The following TMEM132D variants were observed in gnomAD, a reference collection of about 807,000 sequenced individuals.
The protein encoded by TMEM132D is transmembrane protein 132D.
TMEM132D carries 21 observed loss-of-function variants against 62.3 expected under a neutral mutation model. That is an observed-to-expected ratio of 0.34 (90% CI 0.24 to 0.49). The LOEUF is 0.49. Among genes scored for constraint, TMEM132D ranks in the 20% least tolerant of loss-of-function variants. The pLI is 0.99. For missense variants in TMEM132D, 1,346 were observed against 1,402.8 expected (o/e 0.96, Z 0.65); for synonymous variants, 621 against 575.6 (o/e 1.08, Z -1.13).
At chr12:129,121,135 G>A (rs747224424) in intron 5 of TMEM132D, among the ~76,000 whole-genome samples, 20 of 151,652 alleles carry the variant, frequency 1.3e-4, no homozygotes, top group Non-Finnish European at 2.1e-4. Flanking sequence ...TTGGTCTGTG[G>A]CCCAGGCTGG....
intron 1 of TMEM132D, among the ~76,000 whole-genome samples, chr12:129,718,826 T>A (rs1030781526): frequency 6.6e-6 from 1 of 152,238 alleles, no homozygotes; most frequent in Non-Finnish European, 1.5e-5. Flanking sequence ...CAACAGTAGC[T>A]GCCTCACACA....
chr12:129,128,106 T>G (rs1593270137), intron 5 of TMEM132D, among the ~76,000 whole-genome samples: 3 of 152,302 alleles, frequency 2.0e-5, no homozygotes, highest in Admixed American at 2.0e-4. Context: ...GCTAGAGGGC[T>G]GCATGTACAA....
At chr12:129,520,103 A>C (rs1380206770) in intron 3 of TMEM132D, among the ~76,000 whole-genome samples, 2 of 152,226 alleles carry the variant, frequency 1.3e-5, no homozygotes, top group African/African-American at 4.8e-5. Context: ...TGTGTAAGAC[A>C]GTGTTCAGTG....
At chr12:129,886,811 ACC>A (rs1390567883) in intron 1 of TMEM132D, among the ~76,000 whole-genome samples, 2 of 152,058 alleles carry the variant, frequency 1.3e-5, no homozygotes, top group African/African-American at 4.8e-5. Flanking sequence ...GAGGGTGGTT[ACC>A]CCCATGCTGC....
At chr12:129,405,221 T>C (rs1328948183) in intron 3 of TMEM132D, among the ~76,000 whole-genome samples, 1 of 151,974 alleles carries the variant, frequency 6.6e-6, no homozygotes, top group Non-Finnish European at 1.5e-5. Context: ...GTGAGGGCTC[T>C]CTTACTGGCC....
chr12:129,131,805 T>C (rs1876382877), intron 5 of TMEM132D, among the ~76,000 whole-genome samples: 1 of 152,194 alleles, frequency 6.6e-6, no homozygotes, highest in South Asian at 2.1e-4. Context: ...TAGACCCCAG[T>C]AATTCAGTCA....
chr12:129,666,327 G>A (rs1290810096), intron 2 of TMEM132D, among the ~76,000 whole-genome samples: 1 of 152,136 alleles, frequency 6.6e-6, no homozygotes, highest in African/African-American at 2.4e-5. Flanking sequence ...GTGTGTCTGT[G>A]ATGTTTACAT....
chr12:129,458,194 C>T (rs994076384), intron 3 of TMEM132D, among the ~76,000 whole-genome samples: 1 of 152,190 alleles, frequency 6.6e-6, no homozygotes, highest in African/African-American at 2.4e-5. Flanking sequence ...AAATTTTCCT[C>T]TATTCCCTAG....
intron 4 of TMEM132D, among the ~76,000 whole-genome samples, chr12:129,230,793 T>G (rs1337379853): frequency 6.6e-6 from 1 of 152,210 alleles, no homozygotes; most frequent in Non-Finnish European, 1.5e-5. Context: ...GTCTCAAATC[T>G]GCTCTGCTAA....
In TMEM132D at chr12:129,617,503, C is replaced by T. The variant is rs146022124; in HGVS notation, c.968+82307G>A. ...AAACAACAGAAATGTCTTACTGTTC[C>T]GGGGGCTGGAAGTTTCAGATGTGGC... On this transcript the variant is annotated intron_variant, in intron 2 of 8. Coordinates refer to ENST00000422113, the MANE Select transcript of TMEM132D (RefSeq NM_133448.3). Among the ~76,000 whole-genome samples the T allele has an allele frequency of 1.8e-4, 28 of 152,264 alleles. No homozygotes were observed. In the East Asian group the frequency reaches 3.7e-3, roughly 20 times the overall value.
At chr12:129,166,994 T>A (rs909932288) in intron 5 of TMEM132D, among the ~76,000 whole-genome samples, 1 of 151,724 alleles carries the variant, frequency 6.6e-6, no homozygotes, top group Non-Finnish European at 1.5e-5. Flanking sequence ...CAAAACCCTG[T>A]CTCTACTGAA....
chr12:129,536,849 CT>C (rs1223627355), intron 2 of TMEM132D, among the ~76,000 whole-genome samples: 5 of 152,256 alleles, frequency 3.3e-5, no homozygotes, highest in South Asian at 2.1e-4. Context: ...TCATGCACCC[CT>C]ATCAGTAAAA....
chr12:129,825,629 C>T (rs759092656), intron 1 of TMEM132D, among the ~76,000 whole-genome samples: 1 of 152,144 alleles, frequency 6.6e-6, no homozygotes, highest in Non-Finnish European at 1.5e-5. Context: ...ACTGTGTGTG[C>T]TGCTGGGTGG....
At chr12:129,698,570 GAA>G (rs1245673233) in intron 2 of TMEM132D, among the ~76,000 whole-genome samples, 1 of 1,638 alleles carries the variant, frequency 6.1e-4, no homozygotes, top group African/African-American at 1.9e-3. Flanking sequence ...AGGGAGGGGA[GAA>G]GGGAGGGGAG....
At chr12:129,735,023 C>T (rs1481859418) in intron 1 of TMEM132D, among the ~76,000 whole-genome samples, 1 of 151,994 alleles carries the variant, frequency 6.6e-6, no homozygotes, top group Non-Finnish European at 1.5e-5. Flanking sequence ...GCCCATTTTA[C>T]AGTACGACGA....
At chr12:129,545,604 A>T (rs150590331) in intron 2 of TMEM132D, among the ~76,000 whole-genome samples, 267 of 152,226 alleles carry the variant, frequency 1.8e-3, no homozygotes, top group African/African-American at 6.1e-3. Flanking sequence ...TGCCCATTGC[A>T]CAGCAACTCC....
At chr12:129,347,592 A>G (rs983321665) in intron 3 of TMEM132D, among the ~76,000 whole-genome samples, 15 of 152,234 alleles carry the variant, frequency 9.9e-5, no homozygotes. Flanking sequence ...AATAAAACCT[A>G]AAACCACAAA....
intron 1 of TMEM132D, among the ~76,000 whole-genome samples, chr12:129,709,790 T>A (rs1003808143): frequency 6.6e-6 from 1 of 152,234 alleles, no homozygotes; most frequent in African/African-American, 2.4e-5. Context: ...AGAGGATGTT[T>A]AGCTTATAAC....
At chr12:129,121,073 GATTTT>G (rs956874354) in intron 5 of TMEM132D, among the ~76,000 whole-genome samples, 21 of 151,860 alleles carry the variant, frequency 1.4e-4, no homozygotes, top group Middle Eastern at 3.4e-3. Context: ...CTAATCAGCT[GATTTT>G]ATTTTATTAT....
Sources: allele counts gnomAD v4.1 joint callset (sites outside exome capture counted in the v4.1 genomes callset), GRCh38; gene constraint gnomAD v4.1.1; transcripts MANE v1.5; gene names NCBI Gene and HGNC (gene_info 2026-07-23, HGNC 2026-07-21).